PTPN1: variants seen among roughly 807,000 people sequenced by gnomAD.
PTPN1 encodes the protein tyrosine-protein phosphatase non-receptor type 1.
A neutral mutation model predicts 59.9 loss-of-function variants in PTPN1; 12 were observed. That is an observed-to-expected ratio of 0.20 (90% CI 0.13 to 0.32). The LOEUF is 0.32. Ranked by LOEUF, PTPN1 falls within the 10% of genes least tolerant of loss-of-function variation. PTPN1 has a pLI of 1.00. For missense variants in PTPN1, 356 were observed against 549.2 expected, an observed-to-expected ratio of 0.65 and a Z score of 3.52; for synonymous variants, 178 against 203.6, an observed-to-expected ratio of 0.87 and a Z score of 1.07.
chr20:50,537,093 G>A (rs2082627085), intron 1 of PTPN1, among the ~76,000 whole-genome samples: 1 of 152,180 alleles, frequency 6.6e-6, no homozygotes, highest in Non-Finnish European at 1.5e-5. Flanking sequence ...GGGAGGCCGA[G>A]GCAGGCAGAT....
intron 1 of PTPN1, among the ~76,000 whole-genome samples, chr20:50,533,876 T>G (rs1351170041): frequency 6.6e-6 from 1 of 152,072 alleles, no homozygotes; most frequent in Non-Finnish European, 1.5e-5. Flanking sequence ...TTTTTCTCCT[T>G]AATAGTTATG....
chr20:50,574,408 C>A, intron 4 of PTPN1, 109 bp from the exon 5 acceptor site: 1 of 1,154,156 alleles, frequency 8.7e-7, no homozygotes, highest in East Asian at 2.8e-5. Context: ...TGTTCAGAAA[C>A]CCCCAGGCCT....
chr20:50,539,104 C>T (rs1454878859), intron 1 of PTPN1, among the ~76,000 whole-genome samples: 2 of 132,138 alleles, frequency 1.5e-5, no homozygotes, highest in African/African-American at 2.9e-5. Context: ...GGCACGATTT[C>T]GGCTCACCGC....
At chr20:50,517,108 A>G (rs990577115) in intron 1 of PTPN1, among the ~76,000 whole-genome samples, 4 of 152,206 alleles carry the variant, frequency 2.6e-5, no homozygotes, top group Non-Finnish European at 5.9e-5. Context: ...ACCATTTCAC[A>G]TGGAAGATTC....
intron 1 of PTPN1, among the ~76,000 whole-genome samples, chr20:50,556,780 C>T (rs1367970324): frequency 6.6e-6 from 1 of 152,018 alleles, no homozygotes; most frequent in Non-Finnish European, 1.5e-5. Flanking sequence ...CATGGTGAAA[C>T]TACTAAAATA....
At chr20:50,518,699 A>G (rs1019904499) in intron 1 of PTPN1, among the ~76,000 whole-genome samples, 1 of 152,100 alleles carries the variant, frequency 6.6e-6, no homozygotes, top group African/African-American at 2.4e-5. Context: ...AGCACTTTTG[A>G]ATTAAGAGCA....
At chr20:50,576,952 G>C (rs183446574) in intron 5 of PTPN1, among the ~76,000 whole-genome samples, 19 of 152,168 alleles carry the variant, frequency 1.2e-4, no homozygotes, top group African/African-American at 4.6e-4. Flanking sequence ...CCAAATAGAA[G>C]AGGTATTTCT....
intron 1 of PTPN1, among the ~76,000 whole-genome samples, chr20:50,532,160 A>G (rs1461800156): frequency 6.6e-6 from 1 of 152,224 alleles, no homozygotes; most frequent in Non-Finnish European, 1.5e-5. Flanking sequence ...ACTAACTACA[A>G]TGGCCTGCAA....
At chr20:50,562,338 A>G (rs571443813) in intron 2 of PTPN1, among the ~76,000 whole-genome samples, 1 of 152,342 alleles carries the variant, frequency 6.6e-6, no homozygotes, top group South Asian at 2.1e-4. Flanking sequence ...CAGAAGGGTT[A>G]GCAGTGCATC....
intron 1 of PTPN1, among the ~76,000 whole-genome samples, chr20:50,531,325 G>A (rs907366057): frequency 3.9e-5 from 6 of 152,120 alleles, no homozygotes; most frequent in Admixed American, 3.3e-4. Flanking sequence ...GGACAGTTGA[G>A]GACAAAGTAG....
rs561917463 is a variant in PTPN1, at chr20:50,574,287, G to C, written c.355-230G>C. On this transcript the variant is annotated intron_variant, in intron 4 of 9. Transcript: ENST00000371621. ...CGTTGCCACGTTTGACCGGGGAGCC[G>C]ATGGGTTTGGAAGTCTGAGCCCTGT... 4 of 475,310 alleles carry C rather than the reference G, an allele frequency of 8.4e-6. No individual in the cohort carries two copies. In the Admixed American group the frequency reaches 1.8e-4, roughly 21 times the overall value. The allele number at this position is 475,310 out of a possible 1,614,324, so 29.4% of individuals were successfully genotyped here. A position where few individuals can be genotyped will look rare whatever the true frequency, so the allele number is the denominator to read the frequency against.
At position 50,567,157 on chromosome 20, in the gene PTPN1, G is replaced by C. The variant is rs564691475; in HGVS notation, c.256-1223G>C. ...ATAAGGAGCTTATGGGCCGGGGACGGTGGCTTACGCCTGTAATCCCAGCAC... is the reference window on the plus strand; with the variant it reads ...ATAAGGAGCTTATGGGCCGGGGACGCTGGCTTACGCCTGTAATCCCAGCAC... On this transcript the variant is annotated intron_variant, in intron 3 of 9. Transcript: ENST00000371621. Among the ~76,000 whole-genome samples the C allele has an allele frequency of 2.6e-5, 4 of 152,350 alleles. No homozygotes were observed. In the South Asian group the frequency reaches 8.3e-4, roughly 32 times the overall value.
intron 1 of PTPN1, among the ~76,000 whole-genome samples, chr20:50,514,783 C>G (rs1158673768): frequency 6.6e-6 from 1 of 152,196 alleles, no homozygotes; most frequent in Non-Finnish European, 1.5e-5. Flanking sequence ...TTACTTTATG[C>G]TGCCCATATT....
At chr20:50,544,326 T>C (rs2082665656) in intron 1 of PTPN1, among the ~76,000 whole-genome samples, 1 of 151,848 alleles carries the variant, frequency 6.6e-6, no homozygotes, top group African/African-American at 2.4e-5. Flanking sequence ...ACTTGTTTTA[T>C]TTTTATTTTT....
At chr20:50,536,994 G>T (rs180990980) in intron 1 of PTPN1, among the ~76,000 whole-genome samples, 1 of 152,126 alleles carries the variant, frequency 6.6e-6, no homozygotes, top group African/African-American at 2.4e-5. Flanking sequence ...AGTTAAAATT[G>T]TTGTTGACAT....
intron 8 of PTPN1, 124 bp from the exon 9 acceptor site, chr20:50,581,141 T>C (rs2082866223): frequency 1.4e-6 from 2 of 1,416,596 alleles, no homozygotes; most frequent in East Asian, 2.6e-5. Context: ...GCTGGAAGGT[T>C]AACATCATCC....
At chr20:50,532,926 G>T (rs1183033262) in intron 1 of PTPN1, among the ~76,000 whole-genome samples, 2 of 152,150 alleles carry the variant, frequency 1.3e-5, no homozygotes, top group African/African-American at 4.8e-5. Context: ...GAGATCAGTA[G>T]CTTCCAGGAA....
In PTPN1 at chr20:50,568,513, A is replaced by G. The variant is rs751669182; in HGVS notation, c.354+35A>G. The G allele has an allele frequency of 2.7e-6, 4 of 1,485,456 alleles. No homozygotes were observed. The highest frequency in any genetic ancestry group is 1.1e-5 in the South Asian group (1 of 88,338). The allele number at this position is 1,485,456 out of a possible 1,614,324, so 92.0% of individuals were successfully genotyped here. A position where few individuals can be genotyped will look rare whatever the true frequency, so the allele number is the denominator to read the frequency against. On this transcript the variant is annotated intron_variant, in intron 4 of 9. Coordinates refer to ENST00000371621, the MANE Select transcript of PTPN1 (RefSeq NM_002827.4). The surrounding 1 kb of genome is among the most constrained non-coding windows in gnomAD (Gnocchi z 5.6). ...GGCTTCATTTGCTGTGTATGTGATC[A>G]TGCATACCACTCCATATAGTTACCA...
chr20:50,575,152 G>C (rs2082829577), intron 5 of PTPN1: 1 of 155,156 alleles, frequency 6.4e-6, no homozygotes, highest in African/African-American at 2.4e-5. Flanking sequence ...GTTGGTCTTG[G>C]AACATGGCAA....
Sources: allele counts gnomAD v4.1 joint callset (sites outside exome capture counted in the v4.1 genomes callset), GRCh38; gene constraint gnomAD v4.1.1; non-coding constraint Gnocchi (gnomAD v3.1); transcripts MANE v1.5; gene names NCBI Gene and HGNC (gene_info 2026-07-23, HGNC 2026-07-21).